CSMD2: variants seen among roughly 807,000 people sequenced by gnomAD.
CSMD2 encodes CUB and sushi domain-containing protein 2.
In CSMD2, 130 loss-of-function variants were observed where a neutral mutation model predicts 398.5. That is an observed-to-expected ratio of 0.33 (90% confidence interval 0.28 to 0.38). The LOEUF is 0.38. Ranked by LOEUF, CSMD2 falls within the 10% of genes least tolerant of loss-of-function variation. CSMD2 has a pLI of 1.00. For synonymous variants in CSMD2, 1,828 were observed against 1,908.5 expected, an observed-to-expected ratio of 0.96 and a Z score of 1.10; for missense variants, 3,829 against 4,764.9, an observed-to-expected ratio of 0.80 and a Z score of 5.78.
chr1:33,811,891 C>T (rs1656907762), intron 9 of CSMD2, among the ~76,000 whole-genome samples: 1 of 152,160 alleles, frequency 6.6e-6, no homozygotes, highest in Admixed American at 6.5e-5. Flanking sequence ...AAGTGCCTAA[C>T]AGTAAAGAAA....
At chr1:33,547,803 C>A (rs1657053268) in intron 56 of CSMD2, among the ~76,000 whole-genome samples, 1 of 152,238 alleles carries the variant, frequency 6.6e-6, no homozygotes, top group African/African-American at 2.4e-5. Flanking sequence ...GTGAGCAGCT[C>A]TAACCCACAC....
intron 3 of CSMD2, among the ~76,000 whole-genome samples, chr1:33,977,407 GCAGGAGATTCAACCC>G (rs1214963113): frequency 6.6e-6 from 1 of 151,690 alleles, no homozygotes; most frequent in East Asian, 1.9e-4. Context: ...CCCTGTGGGA[GCAGGAGATTCAACCC>G]CATGAATGTT....
At chr1:34,105,348 C>G (rs535755194) in intron 1 of CSMD2, among the ~76,000 whole-genome samples, 1 of 152,320 alleles carries the variant, frequency 6.6e-6, no homozygotes, top group East Asian at 1.9e-4. Flanking sequence ...CAAAATTTCT[C>G]CAGATATTGC....
intron 1 of CSMD2, among the ~76,000 whole-genome samples, chr1:34,159,667 A>G (rs1173784214): frequency 6.6e-6 from 1 of 152,184 alleles, no homozygotes; most frequent in Non-Finnish European, 1.5e-5. Flanking sequence ...GAATAATAAT[A>G]CTGCAGGCTT....
chr1:34,062,924 G>T (rs1414484417), intron 2 of CSMD2, among the ~76,000 whole-genome samples: 1 of 152,136 alleles, frequency 6.6e-6, no homozygotes, highest in Non-Finnish European at 1.5e-5. Context: ...TGGACTTACA[G>T]TTCCACATGT....
At chr1:33,520,935 G>A (rs973212380) in intron 68 of CSMD2, among the ~76,000 whole-genome samples, 1 of 152,244 alleles carries the variant, frequency 6.6e-6, no homozygotes, top group African/African-American at 2.4e-5. Context: ...CCAAGGTGTG[G>A]ATGTTTGACA....
chr1:33,709,680 G>C (rs1023026514), intron 21 of CSMD2, among the ~76,000 whole-genome samples: 3 of 152,154 alleles, frequency 2.0e-5, no homozygotes, highest in Non-Finnish European at 4.4e-5. Context: ...CAGTATCACA[G>C]AATAGAAACT....
chr1:34,136,486 C>G (rs1450880523), intron 1 of CSMD2, among the ~76,000 whole-genome samples: 5 of 152,224 alleles, frequency 3.3e-5, no homozygotes, highest in African/African-American at 1.2e-4. Flanking sequence ...TGCATGAGAA[C>G]AGACACAGTC....
rs115702266 is a variant in CSMD2 at position 33,724,638 on chromosome 1, T to C, written c.2762A>G (p.Asn921Ser). Residue 921 changes from asparagine (N) to serine (S), a missense_variant, in exon 18 of 71, where the codon AAT (asparagine) becomes AGT (serine). Coordinates refer to ENST00000373381, the MANE Select transcript of CSMD2 (RefSeq NM_001281956.2). ...CACCAGCGCGCCCACGTAGAAGTCATTCCCATGACGCTGTCCATTTACTGG... is the reference window on the plus strand; with the variant it reads ...CACCAGCGCGCCCACGTAGAAGTCACTCCCATGACGCTGTCCATTTACTGG... ...GIPVNGQRHG[N>S]DFYVGALVTF... 3.6e-4 allele frequency: 586 copies of C among 1,614,194 alleles called. 3 individuals carry two copies. The African/African-American group carries it at 6.8e-3, about 19-fold the overall frequency.
chr1:33,908,902 T>C (rs1486090320), intron 5 of CSMD2, among the ~76,000 whole-genome samples: 6 of 152,180 alleles, frequency 3.9e-5, no homozygotes, highest in African/African-American at 1.4e-4. Context: ...TGGCTCCTGA[T>C]GGATACAGCA....
intron 53 of CSMD2, among the ~76,000 whole-genome samples, chr1:33,564,787 C>T (rs1477220389): frequency 6.6e-6 from 1 of 151,188 alleles, no homozygotes; most frequent in East Asian, 1.9e-4. Flanking sequence ...TATTTTATGG[C>T]CCCATCCCAT....
chr1:34,153,348 C>T (rs1640506385), intron 1 of CSMD2, among the ~76,000 whole-genome samples: 2 of 152,196 alleles, frequency 1.3e-5, no homozygotes, highest in East Asian at 1.9e-4. Context: ...AGCATGATGT[C>T]CTCAAGGTTC....
At chr1:33,830,331 G>C (rs1372746981) in intron 6 of CSMD2, among the ~76,000 whole-genome samples, 2 of 152,206 alleles carry the variant, frequency 1.3e-5, no homozygotes, top group African/African-American at 4.8e-5. Context: ...GGAATAATCA[G>C]ACAGCAGCAT....
chr1:34,085,339 C>A (rs945704116), intron 2 of CSMD2, among the ~76,000 whole-genome samples: 2 of 151,672 alleles, frequency 1.3e-5, no homozygotes, highest in Non-Finnish European at 2.9e-5. Context: ...ATGTAACAAA[C>A]CTGCACGTTG....
chr1:33,614,496 A>G lies in CSMD2; in HGVS notation c.6133+8T>C, dbSNP rs1181673467. 1 of 1,502,348 alleles carries G rather than the reference A, an allele frequency of 6.7e-7. No individual in the cohort carries two copies. Among genetic ancestry groups the G allele is most frequent in the East Asian group, 2.3e-5 (1 of 44,370 alleles). The allele number at this position is 1,502,348 out of a possible 1,614,324, so 93.1% of individuals were successfully genotyped here. On this transcript the variant is annotated splice_region_variant and intron_variant, in intron 40 of 70. Coordinates refer to ENST00000373381, the MANE Select transcript of CSMD2 (RefSeq NM_001281956.2). Reference sequence around the variant, plus strand: ...AGCCTGTCTCCTCTGGGGGCTGCAGAGACTTACCAAAGCCCACGGGCAGTG... The same window carrying G: ...AGCCTGTCTCCTCTGGGGGCTGCAGGGACTTACCAAAGCCCACGGGCAGTG...
At chr1:34,130,717 C>A (rs899606499) in intron 1 of CSMD2, among the ~76,000 whole-genome samples, 3 of 152,110 alleles carry the variant, frequency 2.0e-5, no homozygotes, top group South Asian at 2.1e-4. Flanking sequence ...CTCAGCCCTG[C>A]GCTCAATGCC....
At chr1:33,713,911 C>T (rs1646072849) in intron 21 of CSMD2, among the ~76,000 whole-genome samples, 1 of 152,214 alleles carries the variant, frequency 6.6e-6, no homozygotes, top group South Asian at 2.1e-4. Flanking sequence ...CTCAACACTG[C>T]CTGACACATC....
intron 46 of CSMD2, 76 bp from the exon 47 acceptor site, chr1:33,583,906 A>G: frequency 7.9e-7 from 1 of 1,273,520 alleles, no homozygotes; most frequent in Non-Finnish European, 1.1e-6. Context: ...GCTTTTCCCA[A>G]TACTAAAGAC....
intron 50 of CSMD2, among the ~76,000 whole-genome samples, 172 bp from the exon 51 acceptor site, chr1:33,571,898 G>A (rs1659630549): frequency 6.6e-6 from 1 of 152,036 alleles, no homozygotes; most frequent in South Asian, 2.1e-4. Flanking sequence ...TGGGGGATGT[G>A]GCAAACTGGG....
Sources: gnomAD v4.1 joint callset for allele counts (sites outside exome capture counted in the v4.1 genomes callset) on GRCh38, gnomAD v4.1.1 for gene constraint, MANE v1.5 for transcripts, NCBI Gene and HGNC (gene_info 2026-07-23, HGNC 2026-07-21) for gene names.